Variants in ADAMTS19 observed in about 807,000 individuals in gnomAD.
The protein encoded by ADAMTS19 is A disintegrin and metalloproteinase with thrombospondin motifs 19.
In ADAMTS19, 93 loss-of-function variants were observed where a neutral mutation model predicts 153.3. The ratio of observed to expected loss-of-function variants is 0.61; its 90% CI spans 0.51 to 0.72. ADAMTS19 has a LOEUF of 0.72. Among genes scored for constraint, ADAMTS19 ranks in the 30% least tolerant of loss-of-function variants. ADAMTS19 has a pLI of 0.00. For missense variants in ADAMTS19, 1,482 were observed against 1,552.1 expected (o/e 0.95, Z 0.76); for synonymous variants, 600 against 556.6 (o/e 1.08, Z -1.10).
chr5:129,714,368 G>A lies in ADAMTS19; in HGVS notation c.3312+9977G>A, dbSNP rs567537626. 4.2e-5 allele frequency among the ~76,000 whole-genome samples: 6 copies of A among 143,012 alleles called. No individual in the cohort carries two copies. The East Asian group carries it at 1.2e-3, about 29-fold the overall frequency. The allele number at this position is 143,012 out of a possible 152,430, so 93.8% of individuals were successfully genotyped here. ...CGGGAAGCGGAGCTTGCAGTGAGCCGAGATTGCGCCACTGCAGTCCGCAGT... is the reference window on the plus strand; with the variant it reads ...CGGGAAGCGGAGCTTGCAGTGAGCCAAGATTGCGCCACTGCAGTCCGCAGT... On this transcript the variant is annotated intron_variant, in intron 21 of 22. Coordinates refer to ENST00000274487, the MANE Select transcript of ADAMTS19 (RefSeq NM_133638.6).
chr5:129,481,317 G>A (rs189305701), intron 2 of ADAMTS19, among the ~76,000 whole-genome samples: 26 of 152,114 alleles, frequency 1.7e-4, no homozygotes, highest in Non-Finnish European at 1.3e-4. Context: ...TTGTGAGAAC[G>A]CCTTCACTAT....
intron 4 of ADAMTS19, 78 bp from the exon 5 acceptor site, chr5:129,527,670 T>C (rs1376939156): frequency 7.6e-6 from 4 of 529,276 alleles, no homozygotes; most frequent in Non-Finnish European, 1.3e-5. Context: ...AATTGAGACA[T>C]CTCCATGTAT....
chr5:129,701,614 T>G (rs1227208914), intron 20 of ADAMTS19, 22 bp downstream of exon 20: 2 of 1,611,490 alleles, frequency 1.2e-6, no homozygotes, highest in Non-Finnish European at 1.7e-6. Context: ...CCCCCTTTCT[T>G]TCCCCATTCC....
chr5:129,496,609 C>A (rs755687912), intron 2 of ADAMTS19, among the ~76,000 whole-genome samples: 2 of 151,842 alleles, frequency 1.3e-5, no homozygotes, highest in Non-Finnish European at 2.9e-5. Flanking sequence ...CCAGTAAGAC[C>A]TGGCAGTGAT....
At chr5:129,714,348 A>G (rs1380940606) in intron 21 of ADAMTS19, among the ~76,000 whole-genome samples, 2 of 145,760 alleles carry the variant, frequency 1.4e-5, no homozygotes, top group Admixed American at 6.9e-5. Context: ...GAACCCGGGA[A>G]GCGGAGCTTG....
At position 129,576,166 on chromosome 5, in the gene ADAMTS19, C is replaced by T. The variant is rs80273698; in HGVS notation, c.1373-20393C>T. 4.3e-3 allele frequency among the ~76,000 whole-genome samples: 659 copies of T among 152,068 alleles called. 4 individuals carry two copies. Among genetic ancestry groups the T allele is most frequent in the East Asian group, 0.026 (134 of 5,158 alleles). ...GGAATGTGTTCTTTACTATGACATCCTTCTCATTTCAAAGAGCAGAATTTA... is the reference window on the plus strand; with the variant it reads ...GGAATGTGTTCTTTACTATGACATCTTTCTCATTTCAAAGAGCAGAATTTA... On this transcript the variant is annotated intron_variant, in intron 7 of 22. Transcript: ENST00000274487.
At chr5:129,719,893 T>G (rs558789034) in intron 21 of ADAMTS19, among the ~76,000 whole-genome samples, 1 of 151,820 alleles carries the variant, frequency 6.6e-6, no homozygotes, top group East Asian at 2.0e-4. Context: ...ATACAAAAAT[T>G]AGCTGGGCAT....
intron 7 of ADAMTS19, among the ~76,000 whole-genome samples, chr5:129,557,821 A>G (rs1330377548): frequency 6.6e-6 from 1 of 152,142 alleles, no homozygotes; most frequent in East Asian, 1.9e-4. Context: ...CTTCTTTATT[A>G]GGAAAGAAAT....
intron 21 of ADAMTS19, among the ~76,000 whole-genome samples, chr5:129,710,836 A>G (rs1756418605): frequency 6.6e-6 from 1 of 152,216 alleles, no homozygotes; most frequent in African/African-American, 2.4e-5. Flanking sequence ...AACTGACTAG[A>G]TAACACTGTT....
At chr5:129,531,200 G>A (rs1299767184) in intron 6 of ADAMTS19, among the ~76,000 whole-genome samples, 2 of 152,146 alleles carry the variant, frequency 1.3e-5, no homozygotes, top group Non-Finnish European at 2.9e-5. Flanking sequence ...TCTCCAAATT[G>A]ATTTATAGAT....
chr5:129,542,516 G>A (rs1752691546), intron 6 of ADAMTS19, among the ~76,000 whole-genome samples: 2 of 152,248 alleles, frequency 1.3e-5, no homozygotes, highest in Admixed American at 6.5e-5. Flanking sequence ...GAGCAGCCTT[G>A]TCTTGCCCAG....
In ADAMTS19 at chr5:129,461,933, A is replaced by C. The variant is rs1749686628; in HGVS notation, c.747+176A>C. Among the ~76,000 whole-genome samples, 1 of 152,184 alleles carries C rather than the reference A, an allele frequency of 6.6e-6. No homozygotes were observed. Among genetic ancestry groups the C allele is most frequent in the South Asian group, 2.1e-4 (1 of 4,834 alleles). On this transcript the variant is annotated intron_variant, in intron 2 of 22. Coordinates refer to ENST00000274487, the MANE Select transcript of ADAMTS19 (RefSeq NM_133638.6). The surrounding 1 kb of genome is among the most constrained non-coding windows in gnomAD (Gnocchi z 4.6). The stretch of plus-strand genomic sequence containing the variant: ...GCCTCCCATGGAACATCTCCAGGGC[A>C]GTTGTGTAAATCGGAAGTTTAATTG...
chr5:129,494,712 G>A (rs750681956), intron 2 of ADAMTS19, among the ~76,000 whole-genome samples: 21 of 152,090 alleles, frequency 1.4e-4, no homozygotes, highest in Admixed American at 3.3e-4. Context: ...TGCTTTCCCC[G>A]CATTATTCTC....
At chr5:129,633,394 T>C (rs1324243349) in intron 10 of ADAMTS19, among the ~76,000 whole-genome samples, 2 of 152,190 alleles carry the variant, frequency 1.3e-5, no homozygotes, top group African/African-American at 4.8e-5. Flanking sequence ...AGGGTTGCAT[T>C]TTGCTATTCT....
At chr5:129,707,011 A>G (rs1400490511) in intron 21 of ADAMTS19, among the ~76,000 whole-genome samples, 1 of 152,252 alleles carries the variant, frequency 6.6e-6, no homozygotes, top group Non-Finnish European at 1.5e-5. Context: ...GAGTGAGGAA[A>G]GAAAAGAATA....
intron 6 of ADAMTS19, among the ~76,000 whole-genome samples, chr5:129,550,845 T>C (rs1753065210): frequency 6.6e-6 from 1 of 151,642 alleles, no homozygotes; most frequent in African/African-American, 2.4e-5. Flanking sequence ...ATAGTAAAAA[T>C]TGTATAGAAC....
intron 21 of ADAMTS19, among the ~76,000 whole-genome samples, chr5:129,719,473 A>G (rs1756879330): frequency 2.0e-5 from 3 of 152,222 alleles, no homozygotes; most frequent in African/African-American, 7.2e-5. Flanking sequence ...GAAAGGTAGA[A>G]ACTAACATTT....
chr5:129,734,801 AT>A, intron 21 of ADAMTS19, 130 bp from the exon 22 acceptor site: 1 of 791,332 alleles, frequency 1.3e-6, no homozygotes, highest in Non-Finnish European at 1.9e-6. Flanking sequence ...CATGTTTTGC[AT>A]TGACTGTGGA....
intron 3 of ADAMTS19, among the ~76,000 whole-genome samples, chr5:129,511,152 T>C (rs1271578213): frequency 6.6e-6 from 1 of 151,952 alleles, no homozygotes; most frequent in Non-Finnish European, 1.5e-5. Flanking sequence ...ATTTTGATAA[T>C]GTTGCAGTAT....
Sources: allele counts gnomAD v4.1 joint callset (sites outside exome capture counted in the v4.1 genomes callset), GRCh38; gene constraint gnomAD v4.1.1; non-coding constraint Gnocchi (gnomAD v3.1); transcripts MANE v1.5; gene names NCBI Gene and HGNC (gene_info 2026-07-23, HGNC 2026-07-21).